Variants in MLIP observed in about 807,000 individuals in gnomAD.
MLIP encodes muscular LMNA interacting protein.
A neutral mutation model predicts 84.8 loss-of-function variants in MLIP; 79 were observed. The observed-to-expected ratio is 0.93, with a 90% CI of 0.78 to 1.12. The LOEUF (loss-of-function observed/expected upper bound fraction) is 1.12, where lower values mean the gene tolerates loss of function less well. Ranked by LOEUF, MLIP falls within the 50% of genes most tolerant of loss-of-function variation. MLIP has a pLI of 0.00. For synonymous variants in MLIP, 504 were observed against 463.0 expected (o/e 1.09, Z -1.14); for missense variants, 1,257 against 1,160.6 (o/e 1.08, Z -1.21).
chr6:54,169,433 C>G (rs1775542635), intron 8 of MLIP, 95 bp from the exon 9 acceptor site: 1 of 692,598 alleles, frequency 1.4e-6, no homozygotes, highest in Admixed American at 3.6e-5. Context: ...TTTAGAAAGT[C>G]TCAATTGAGA....
At chr6:54,020,036 G>T (rs1433038035) in intron 1 of MLIP, among the ~76,000 whole-genome samples, 2 of 152,140 alleles carry the variant, frequency 1.3e-5, no homozygotes. Flanking sequence ...TCTGCCCTAG[G>T]TGATTGTCCA....
At position 54,137,736 on chromosome 6, in the gene MLIP, G is replaced by T. The variant is rs922709765; in HGVS notation, c.1667G>T (p.Ser556Ile). ...SSVGLPPVPP[S>I]SSLSSLKSKQ... Reference sequence around the variant, plus strand: ...GTGGGTCTTCCTCCTGTTCCACCAAGCTCTTCTCTTTCCTCTTTGAAGAGT... The same window carrying T: ...GTGGGTCTTCCTCCTGTTCCACCAATCTCTTCTCTTTCCTCTTTGAAGAGT... The change falls in exon 4 of 14, where the codon AGC becomes ATC. Residue 556 changes from serine to isoleucine, a missense_variant. Ser to Ile is a moderately radical substitution (Grantham distance 142, BLOSUM62 -2). Coordinates refer to ENST00000502396, the MANE Select transcript of MLIP (RefSeq NM_001281747.2). 6.5e-7 allele frequency: 1 copy of T among 1,536,064 alleles called. No homozygotes were observed. Among genetic ancestry groups the T allele is most frequent in the East Asian group, 2.4e-5 (1 of 40,914 alleles).
chr6:54,241,363 A>AT (rs1183627813), intron 12 of MLIP, among the ~76,000 whole-genome samples: 5 of 151,876 alleles, frequency 3.3e-5, no homozygotes, highest in Admixed American at 6.6e-5. Flanking sequence ...TTAGCTTAGG[A>AT]TTTTTTTATT....
At chr6:54,118,714 CAG>C (rs1770170869) in intron 1 of MLIP, among the ~76,000 whole-genome samples, 1 of 152,142 alleles carries the variant, frequency 6.6e-6, no homozygotes, top group Admixed American at 6.5e-5. Flanking sequence ...AAACAATCAA[CAG>C]AGTGAGGAGA....
intron 12 of MLIP, among the ~76,000 whole-genome samples, chr6:54,253,161 G>A (rs1782758235): frequency 6.6e-6 from 1 of 152,062 alleles, no homozygotes; most frequent in Admixed American, 6.6e-5. Context: ...GTCTTGTAAT[G>A]ACAACATTAG....
intron 3 of MLIP, among the ~76,000 whole-genome samples, chr6:54,132,024 C>T (rs543577129): frequency 6.6e-6 from 1 of 152,218 alleles, no homozygotes; most frequent in East Asian, 1.9e-4. Flanking sequence ...TGAGCTCATT[C>T]ATATTATGGC....
chr6:54,180,450 T>G (rs1016203888), intron 9 of MLIP, among the ~76,000 whole-genome samples: 2 of 152,210 alleles, frequency 1.3e-5, no homozygotes, highest in African/African-American at 4.8e-5. Context: ...TACCTCATCT[T>G]CAAGGCCAAT....
intron 11 of MLIP, among the ~76,000 whole-genome samples, chr6:54,203,971 A>G (rs1778871907): frequency 6.6e-6 from 1 of 152,264 alleles, no homozygotes; most frequent in Non-Finnish European, 1.5e-5. Context: ...TGCATTACTT[A>G]AAATCTATGA....
At chr6:54,154,458 A>G (rs950564675) in intron 5 of MLIP, among the ~76,000 whole-genome samples, 2 of 152,194 alleles carry the variant, frequency 1.3e-5, no homozygotes, top group African/African-American at 4.8e-5. Context: ...TGAATACTCT[A>G]GTGTATCAGA....
intron 12 of MLIP, among the ~76,000 whole-genome samples, chr6:54,251,793 A>C (rs1399033726): frequency 7.1e-5 from 7 of 98,976 alleles, no homozygotes; most frequent in Admixed American, 4.9e-4. Context: ...TATAATATAT[A>C]ATATAAATAT....
intron 3 of MLIP, among the ~76,000 whole-genome samples, chr6:54,126,771 A>C (rs957757644): frequency 2.6e-5 from 4 of 152,166 alleles, no homozygotes; most frequent in Non-Finnish European, 4.4e-5. Flanking sequence ...TGATGCCAAC[A>C]ATATCAAATT....
chr6:54,158,286 G>C (rs1176287526), intron 5 of MLIP, among the ~76,000 whole-genome samples: 3 of 152,058 alleles, frequency 2.0e-5, no homozygotes, highest in Non-Finnish European at 4.4e-5. Context: ...GAGGAGAAGG[G>C]AACCTGTAAT....
At chr6:54,168,713 G>T (rs1228033743) in intron 8 of MLIP, among the ~76,000 whole-genome samples, 1 of 151,740 alleles carries the variant, frequency 6.6e-6, no homozygotes, top group African/African-American at 2.4e-5. Context: ...GGGCAGTACT[G>T]AATGCACATT....
At chr6:54,210,127 C>CCACCTCACCT (rs752688450) in intron 11 of MLIP, among the ~76,000 whole-genome samples, 21,567 of 135,468 alleles carry the variant, frequency 0.16, no homozygotes, top group East Asian at 0.3. Context: ...CCACACCTGC[C>CCACCTCACCT]CACCTCACCT....
intron 1 of MLIP, among the ~76,000 whole-genome samples, chr6:54,105,495 C>A (rs1768944266): frequency 6.6e-6 from 1 of 152,128 alleles, no homozygotes; most frequent in Non-Finnish European, 1.5e-5. Flanking sequence ...TATTGAATGC[C>A]TTTACATGCC....
At chr6:54,108,890 G>A (rs1769211993), upstream of MLIP, among the ~76,000 whole-genome samples, 1 of 151,986 alleles carries the variant, frequency 6.6e-6, no homozygotes, top group South Asian at 2.1e-4. Context: ...CATAGCGTTT[G>A]AATCCACCTG....
At chr6:54,057,739 T>C (rs554068310) in intron 1 of MLIP, among the ~76,000 whole-genome samples, 43 of 152,318 alleles carry the variant, frequency 2.8e-4, no homozygotes, top group Middle Eastern at 3.4e-3. Flanking sequence ...TTTTAAACAT[T>C]GGATTAATTT....
Position 54,230,852 on chromosome 6 carries a change from T to C in MLIP, c.2857T>C (p.Ser953Pro), listed in dbSNP as rs1482575570. The change falls in exon 12 of 14, where the codon TCC (serine) becomes CCC (proline). Residue 953 changes from serine to proline, a missense_variant. Ser to Pro is a moderately conservative substitution (Grantham distance 74). Transcript: ENST00000502396. ...CLAPGPFSHL[S>P]FSLSDEQENS... ...TGCCCCAGGACCCTTCAGTCATCTG[T>C]CCTTCTCCTTGAGTGATGAACAGGA... 1 of 1,613,998 alleles carries C rather than the reference T, an allele frequency of 6.2e-7. No homozygotes were observed. The highest frequency in any genetic ancestry group is 1.1e-5 in the South Asian group (1 of 91,072).
In MLIP at chr6:54,202,148, T is replaced by C; in HGVS notation, c.2633T>C (p.Ile878Thr). ...CGCCCAGTACCTGTAAAATCCAGAA[T>C]ATTACTGAAAAAAGAGGAGGAAGTC... ...VIRPVPVKSRILLKKEEEVYE... is the reference protein window; with the variant it reads ...VIRPVPVKSRTLLKKEEEVYE... Residue 878 changes from isoleucine (I) to threonine (T), a missense_variant, in exon 11 of 14, where the codon ATA becomes ACA. Physicochemically the swap from Ile to Thr is moderately conservative, Grantham distance 89. Transcript: ENST00000502396. 1 of 1,603,570 alleles carries C rather than the reference T, an allele frequency of 6.2e-7. No homozygotes were observed. Among genetic ancestry groups the C allele is most frequent in the South Asian group, 1.1e-5 (1 of 89,478 alleles).
Sources: allele counts gnomAD v4.1 joint callset (sites outside exome capture counted in the v4.1 genomes callset), GRCh38; gene constraint gnomAD v4.1.1; transcripts MANE v1.5; gene names NCBI Gene and HGNC (gene_info 2026-07-23, HGNC 2026-07-21).